SHQ1: variants seen among roughly 807,000 people sequenced by gnomAD.
SHQ1 encodes SHQ1, H/ACA ribonucleoprotein assembly factor, also known as protein SHQ1 homolog.
Under a neutral mutation model 53.8 loss-of-function variants are expected in SHQ1, and 49 were observed. The observed-to-expected ratio is 0.91, with a 90% CI of 0.72 to 1.16. The LOEUF (loss-of-function observed/expected upper bound fraction) is 1.16, where lower values mean the gene tolerates loss of function less well. SHQ1 is among the 50% of genes most tolerant of loss of function. The probability of loss-of-function intolerance (pLI) is 0.00; values close to 1 mark genes in which losing one functional copy is unlikely to be tolerated. For missense variants in SHQ1, 738 were observed against 683.1 expected, an observed-to-expected ratio of 1.08 and a Z score of -0.90; for synonymous variants, 243 against 251.0, an observed-to-expected ratio of 0.97 and a Z score of 0.30.
chr3:72,744,567 C>A (rs1705223067), downstream of SHQ1, among the ~76,000 whole-genome samples: 1 of 152,194 alleles, frequency 6.6e-6, no homozygotes, highest in Non-Finnish European at 1.5e-5. Flanking sequence ...TTTTCTCCAG[C>A]CTTGAGACAA....
rs755799071 is a variant in SHQ1 at position 72,824,528 on chromosome 3, G to A, written c.623C>T (p.Ala208Val). The A allele has an allele frequency of 2.4e-5, 38 of 1,608,398 alleles. No homozygotes were observed. Among genetic ancestry groups the A allele is most frequent in the Non-Finnish European group, 3.1e-5 (37 of 1,178,186 alleles). The stretch of plus-strand genomic sequence containing the variant: ...ATTATACTTCAAAATCTGTTCAATC[G>A]CCTCATCTTCAAAAAAGTCAGCTCT... ...HYLADFFEDEAIEQILKYNPW... is the reference protein window; with the variant it reads ...HYLADFFEDEVIEQILKYNPW... Residue 208 changes from alanine (A) to valine (V), a missense_variant, in exon 6 of 11, where the codon GCG becomes GTG. Transcript: ENST00000325599.
At chr3:72,790,308 C>T (rs961248597) in intron 10 of SHQ1, among the ~76,000 whole-genome samples, 1 of 152,164 alleles carries the variant, frequency 6.6e-6, no homozygotes, top group Non-Finnish European at 1.5e-5. Context: ...AATGACTTTG[C>T]TACCTACGTT....
At chr3:72,831,564 T>C (rs1028131364) in intron 5 of SHQ1, among the ~76,000 whole-genome samples, 5 of 152,238 alleles carry the variant, frequency 3.3e-5, no homozygotes, top group African/African-American at 1.2e-4. Flanking sequence ...TATAGCTATA[T>C]ATGTAACAGT....
At chr3:72,763,336 G>A (rs543299462) in intron 10 of SHQ1, among the ~76,000 whole-genome samples, 25 of 152,226 alleles carry the variant, frequency 1.6e-4, no homozygotes, top group African/African-American at 6.0e-4. Context: ...GTGAAAAAAG[G>A]GCAAATAGTG....
At chr3:72,840,560 CAAAA>C (rs572046519) in intron 4 of SHQ1, among the ~76,000 whole-genome samples, 3 of 97,378 alleles carry the variant, frequency 3.1e-5, no homozygotes, top group African/African-American at 6.5e-5. Flanking sequence ...GACTCCGTCT[CAAAA>C]AAAAAAAAAA....
chr3:72,824,549 G>C lies in SHQ1; in HGVS notation c.602C>G (p.Ala201Gly). The change falls in exon 6 of 11, where the codon GCT (alanine) becomes GGT (glycine). Residue 201 changes from alanine to glycine, a missense_variant and splice_region_variant. Transcript: ENST00000325599. ...AATCGCCTCATCTTCAAAAAAGTCA[G>C]CTCTAGGAAAAAACATTGAAAGAAC... ...LAKFDPDHYL[A>G]DFFEDEAIEQ... 6.2e-7 allele frequency: 1 copy of C among 1,606,012 alleles called. No individual in the cohort carries two copies. The highest frequency in any genetic ancestry group is 8.5e-7 in the Non-Finnish European group (1 of 1,177,736).
chr3:72,760,046 A>G (rs1705575637), intron 10 of SHQ1, among the ~76,000 whole-genome samples: 1 of 152,234 alleles, frequency 6.6e-6, no homozygotes, highest in Non-Finnish European at 1.5e-5. Flanking sequence ...AATATTCAAA[A>G]TAAGGACTTT....
At chr3:72,752,951 C>T in intron 10 of SHQ1, 10 of 984,416 alleles carry the variant, frequency 1.0e-5, no homozygotes, top group Non-Finnish European at 1.1e-5. Context: ...GCGTGAGCCA[C>T]CATGACCAGC....
At chr3:72,806,898 T>C in intron 9 of SHQ1, among the ~76,000 whole-genome samples, 1 of 152,178 alleles carries the variant, frequency 6.6e-6, no homozygotes, top group East Asian at 1.9e-4. Flanking sequence ...ATATTTTATG[T>C]TACTGATGGA....
intron 10 of SHQ1, among the ~76,000 whole-genome samples, chr3:72,757,199 C>T (rs1268317332): frequency 6.6e-6 from 1 of 152,176 alleles, no homozygotes; most frequent in Non-Finnish European, 1.5e-5. Flanking sequence ...GCCTGCCAGG[C>T]ATGACATACT....
At chr3:72,785,580 G>A (rs958134331) in intron 10 of SHQ1, among the ~76,000 whole-genome samples, 1 of 152,190 alleles carries the variant, frequency 6.6e-6, no homozygotes, top group Non-Finnish European at 1.5e-5. Flanking sequence ...GTTAACAGTA[G>A]ACCCTCTTGT....
At chr3:72,812,833 A>C in intron 8 of SHQ1, 39 bp from the exon 9 acceptor site, 1 of 1,611,492 alleles carries the variant, frequency 6.2e-7, no homozygotes, top group Non-Finnish European at 8.5e-7. Context: ...ATTTCCACAA[A>C]ATGTTACACA....
At chr3:72,804,132 C>T (rs1244540822) in intron 9 of SHQ1, among the ~76,000 whole-genome samples, 4 of 152,042 alleles carry the variant, frequency 2.6e-5, no homozygotes, top group African/African-American at 9.7e-5. Context: ...CTATGTTGCC[C>T]AGGCTGGTCT....
chr3:72,777,574 A>G (rs1705984547), intron 10 of SHQ1, among the ~76,000 whole-genome samples: 1 of 152,236 alleles, frequency 6.6e-6, no homozygotes, highest in South Asian at 2.1e-4. Context: ...AATCAGGAAA[A>G]TTATTATACA....
At chr3:72,796,101 CAAAAAAAAAAAAAA>C (rs555086403) in intron 9 of SHQ1, among the ~76,000 whole-genome samples, 1 of 40,532 alleles carries the variant, frequency 2.5e-5, no homozygotes, top group Admixed American at 2.6e-4. Context: ...GACTCCATCT[CAAAAAAAAAAAAAA>C]AAAAAAAAAG....
intron 9 of SHQ1, among the ~76,000 whole-genome samples, chr3:72,803,412 TCA>T (rs1575706170): frequency 6.6e-6 from 1 of 152,180 alleles, no homozygotes; most frequent in East Asian, 1.9e-4. Context: ...AGTAGGCATC[TCA>T]GTTTGCTTCT....
At chr3:72,735,710 GAGGAAGGA>G in the SHQ1 span, among the ~76,000 whole-genome samples, 1 of 102,676 alleles carries the variant, frequency 9.7e-6, no homozygotes, top group Admixed American at 1.1e-4. Context: ...GAGAGAGAGA[GAGGAAGGA>G]AGGAAGGAAG....
At chr3:72,846,285 C>T (rs1478395758) in intron 1 of SHQ1, 2 of 1,530,498 alleles carry the variant, frequency 1.3e-6, no homozygotes, top group African/African-American at 2.8e-5. Context: ...CTTGGTATAG[C>T]AAACTGTATG....
intron 10 of SHQ1, among the ~76,000 whole-genome samples, chr3:72,763,446 G>A (rs1487694263): frequency 6.6e-6 from 1 of 152,208 alleles, no homozygotes; most frequent in African/African-American, 2.4e-5. Flanking sequence ...AATGGAGAAG[G>A]TATCACTATA....
Sources: gnomAD v4.1 joint callset for allele counts (sites outside exome capture counted in the v4.1 genomes callset) on GRCh38, gnomAD v4.1.1 for gene constraint, MANE v1.5 for transcripts, NCBI Gene and HGNC (gene_info 2026-07-23, HGNC 2026-07-21) for gene names.